The following ARHGAP15 variants were observed in gnomAD, a reference collection of about 807,000 sequenced individuals.
The protein encoded by ARHGAP15 is rho GTPase-activating protein 15.
ARHGAP15 carries 51 observed loss-of-function variants against 63.7 expected under a neutral mutation model. That is an observed-to-expected ratio of 0.80 (90% CI 0.64 to 1.01). The LOEUF is 1.01. Ranked by LOEUF, ARHGAP15 falls within the 50% of genes least tolerant of loss-of-function variation. The pLI, the probability that ARHGAP15 is intolerant of heterozygous loss-of-function variation, is 0.00. For missense variants in ARHGAP15, 560 were observed against 564.6 expected (o/e 0.99, Z 0.08); for synonymous variants, 191 against 193.8 (o/e 0.99, Z 0.12).
chr2:143,334,827 C>T (rs892040928), intron 6 of ARHGAP15, among the ~76,000 whole-genome samples: 2 of 152,196 alleles, frequency 1.3e-5, no homozygotes, highest in African/African-American at 4.8e-5. Flanking sequence ...CGTGGTGGCT[C>T]ATGCCTGTGA....
chr2:143,202,616 T>C (rs1692165094), intron 3 of ARHGAP15, among the ~76,000 whole-genome samples: 1 of 152,132 alleles, frequency 6.6e-6, no homozygotes, highest in Admixed American at 6.6e-5. Flanking sequence ...TGTAACCTAA[T>C]TGTAAAAGCA....
chr2:143,431,531 C>T (rs1036980586), intron 6 of ARHGAP15, among the ~76,000 whole-genome samples: 10 of 151,972 alleles, frequency 6.6e-5, no homozygotes, highest in African/African-American at 1.7e-4. Flanking sequence ...TAAAGAATAA[C>T]GTATCATGAC....
intron 5 of ARHGAP15, among the ~76,000 whole-genome samples, chr2:143,233,862 C>G (rs1160754839): frequency 2.0e-5 from 3 of 152,076 alleles, no homozygotes; most frequent in African/African-American, 7.2e-5. Context: ...CCAAGCCGGT[C>G]TTGAATTCCT....
intron 1 of ARHGAP15, among the ~76,000 whole-genome samples, chr2:143,151,863 A>G (rs1307768652): frequency 6.6e-6 from 1 of 151,906 alleles, no homozygotes; most frequent in Admixed American, 6.6e-5. Context: ...GGGATGAATC[A>G]GAGGAAATCG....
chr2:143,202,174 A>G lies in ARHGAP15; in HGVS notation c.206A>G (p.Lys69Arg), dbSNP rs1692146416. 1 of 1,612,220 alleles carries G rather than the reference A, an allele frequency of 6.2e-7. No individual in the cohort carries two copies. Among genetic ancestry groups the G allele is most frequent in the Non-Finnish European group, 8.5e-7 (1 of 1,178,592 alleles). ...AGGAATCATTCACAGCATATCTTGAAAGATGTCATTCCTCCATTGGAACAA... is the reference window on the plus strand; with the variant it reads ...AGGAATCATTCACAGCATATCTTGAGAGATGTCATTCCTCCATTGGAACAA... ...HRRNHSQHIL[K>R]DVIPPLEQLM... Residue 69 changes from lysine (K) to arginine (R), a missense_variant, in exon 3 of 14, where the codon AAA becomes AGA. Lys to Arg is a conservative substitution (Grantham distance 26). Transcript: ENST00000295095.
chr2:143,374,146 A>G (rs759621192), intron 6 of ARHGAP15, among the ~76,000 whole-genome samples: 1 of 152,330 alleles, frequency 6.6e-6, no homozygotes, highest in Non-Finnish European at 1.5e-5. Context: ...AAGTGGATGA[A>G]AGCCATTATA....
intron 2 of ARHGAP15, among the ~76,000 whole-genome samples, chr2:143,176,627 A>G (rs1691019896): frequency 6.6e-6 from 1 of 152,136 alleles, no homozygotes; most frequent in Non-Finnish European, 1.5e-5. Flanking sequence ...AAACGTAGAA[A>G]CCCCATTTGA....
At chr2:143,552,006 C>A (rs985921837) in intron 10 of ARHGAP15, among the ~76,000 whole-genome samples, 1 of 152,204 alleles carries the variant, frequency 6.6e-6, no homozygotes, top group African/African-American at 2.4e-5. Flanking sequence ...GAGACAGAAA[C>A]GTGCAGCGTT....
intron 11 of ARHGAP15, among the ~76,000 whole-genome samples, chr2:143,559,824 G>A (rs1695952266): frequency 6.6e-6 from 1 of 152,222 alleles, no homozygotes; most frequent in South Asian, 2.1e-4. Flanking sequence ...AAAGCATAAA[G>A]TGCTATGTAA....
intron 6 of ARHGAP15, among the ~76,000 whole-genome samples, chr2:143,303,590 G>A (rs1683020748): frequency 6.6e-6 from 1 of 152,006 alleles, no homozygotes; most frequent in African/African-American, 2.4e-5. Flanking sequence ...TAAAAGCAAT[G>A]GCAACAAAAG....
chr2:143,307,215 A>C (rs574428490), intron 6 of ARHGAP15, among the ~76,000 whole-genome samples: 80 of 152,112 alleles, frequency 5.3e-4, no homozygotes, highest in Admixed American at 2.6e-4. Context: ...CTCCCAGAAG[A>C]AGCAGCCTTC....
chr2:143,694,912 G>T (rs973008597), intron 12 of ARHGAP15, among the ~76,000 whole-genome samples: 1 of 151,410 alleles, frequency 6.6e-6, no homozygotes, highest in Non-Finnish European at 1.5e-5. Flanking sequence ...TCTTAATTGT[G>T]ATATAGATCC....
chr2:143,164,399 G>A (rs1295924921), intron 2 of ARHGAP15, among the ~76,000 whole-genome samples: 2 of 151,990 alleles, frequency 1.3e-5, no homozygotes, highest in Non-Finnish European at 2.9e-5. Flanking sequence ...GCAATCTCAC[G>A]GAAATGATGC....
intron 8 of ARHGAP15, among the ~76,000 whole-genome samples, chr2:143,456,884 AAAT>A (rs1274528158): frequency 6.6e-6 from 1 of 151,970 alleles, no homozygotes; most frequent in African/African-American, 2.4e-5. Flanking sequence ...TAGTATATAA[AAAT>A]AAATTTTAAG....
At chr2:143,263,093 G>C (rs1352348379) in intron 6 of ARHGAP15, among the ~76,000 whole-genome samples, 1 of 152,064 alleles carries the variant, frequency 6.6e-6, no homozygotes, top group Admixed American at 6.6e-5. Context: ...ACAGGATCCT[G>C]TCTCCAAACT....
chr2:143,501,502 G>GA (rs1693056541), intron 9 of ARHGAP15, among the ~76,000 whole-genome samples: 1 of 152,176 alleles, frequency 6.6e-6, no homozygotes, highest in Admixed American at 6.6e-5. Flanking sequence ...AGTTGAAGAA[G>GA]ATATCATAAA....
chr2:143,166,001 A>AGAAAGAAAGAAGGAAGGAAGGAAG (rs70982847), intron 2 of ARHGAP15, among the ~76,000 whole-genome samples: 61 of 101,152 alleles, frequency 6.0e-4, no homozygotes, highest in African/African-American at 2.7e-3. Context: ...AAAGAAAGAA[A>AGAAAGAAAGAAGGAAGGAAGGAAG]GAAGGAAGGA....
intron 11 of ARHGAP15, among the ~76,000 whole-genome samples, chr2:143,586,015 T>G (rs1697094578): frequency 6.6e-6 from 1 of 152,102 alleles, no homozygotes; most frequent in Non-Finnish European, 1.5e-5. Flanking sequence ...CTGCAAATGG[T>G]CTTATACTGG....
At chr2:143,580,717 T>C (rs889803859) in intron 11 of ARHGAP15, among the ~76,000 whole-genome samples, 2 of 152,146 alleles carry the variant, frequency 1.3e-5, no homozygotes, top group Non-Finnish European at 2.9e-5. Flanking sequence ...TTGTTTTCTG[T>C]ATCATTACAA....
Sources: allele counts gnomAD v4.1 joint callset (sites outside exome capture counted in the v4.1 genomes callset), GRCh38; gene constraint gnomAD v4.1.1; transcripts MANE v1.5; gene names NCBI Gene and HGNC (gene_info 2026-07-23, HGNC 2026-07-21).